ALDH1A2: variants seen among roughly 807,000 people sequenced by gnomAD.
The protein encoded by ALDH1A2 is aldehyde dehydrogenase 1 family member A2.
ALDH1A2 carries 27 observed loss-of-function variants against 60.3 expected under a neutral mutation model. The observed-to-expected ratio is 0.45, with a 90% CI of 0.33 to 0.62. ALDH1A2 has a LOEUF of 0.62. Among genes scored for constraint, ALDH1A2 ranks in the 20% least tolerant of loss-of-function variants. ALDH1A2 has a pLI of 0.02. For synonymous variants in ALDH1A2, 289 were observed against 232.4 expected, an observed-to-expected ratio of 1.24 and a Z score of -2.21; for missense variants, 581 against 643.8, an observed-to-expected ratio of 0.90 and a Z score of 1.06.
chr15:58,016,099 T>C (rs1895781336), intron 1 of ALDH1A2, among the ~76,000 whole-genome samples: 2 of 152,100 alleles, frequency 1.3e-5, no homozygotes, highest in East Asian at 1.9e-4. Context: ...AATCAAACTT[T>C]TTAACCTTTG....
chr15:58,019,471 A>G (rs1422936432), intron 1 of ALDH1A2, among the ~76,000 whole-genome samples: 1 of 152,242 alleles, frequency 6.6e-6, no homozygotes, highest in East Asian at 1.9e-4. Context: ...CTTTGAAAGT[A>G]GAAAGTGTAT....
rs775989050 is a variant in ALDH1A2, at chr15:57,955,261, A to G, written c.1493T>C (p.Phe498Ser). The G allele has an allele frequency of 1.5e-5, 24 of 1,613,866 alleles. No individual in the cohort carries two copies. The South Asian group carries it at 2.5e-4, about 17-fold the overall frequency. Residue 498 changes from phenylalanine (F) to serine (S), a missense_variant, in exon 13 of 13, where the codon TTT becomes TCT. Physicochemically the swap from Phe to Ser is radical, Grantham distance 155 (BLOSUM62 -2). Coordinates refer to ENST00000249750, the MANE Select transcript of ALDH1A2 (RefSeq NM_003888.4). ...AACTTCTGAGTACTCCCGCAAGCCA[A>G]ATTCTCCCCTGAAACACAGAAATGG... ...MSGNGREMGE[F>S]GLREYSEVKT...
chr15:58,010,898 G>C, intron 3 of ALDH1A2, 120 bp from the exon 4 acceptor site: 1 of 1,279,584 alleles, frequency 7.8e-7, no homozygotes, highest in Non-Finnish European at 1.1e-6. Context: ...TTGCATACCT[G>C]GTCAACTATG....
At chr15:57,990,913 T>C (rs1894876292) in intron 7 of ALDH1A2, among the ~76,000 whole-genome samples, 1 of 151,592 alleles carries the variant, frequency 6.6e-6, no homozygotes, top group South Asian at 2.1e-4. Flanking sequence ...TAGAAGCCTC[T>C]TGACTGACTC....
chr15:57,955,300 C>T, intron 12 of ALDH1A2, 31 bp from the exon 13 acceptor site: 1 of 1,612,372 alleles, frequency 6.2e-7, no homozygotes, highest in African/African-American at 1.3e-5. Context: ...GGGTCAGATA[C>T]CAGAAGTCCA....
intron 4 of ALDH1A2, among the ~76,000 whole-genome samples, chr15:57,996,504 T>C (rs1449876806): frequency 1.3e-4 from 18 of 135,092 alleles, no homozygotes; most frequent in African/African-American, 4.4e-4. Context: ...TTTTTCCCTC[T>C]TTTTTTTTTT....
intron 1 of ALDH1A2, among the ~76,000 whole-genome samples, chr15:58,045,639 C>G (rs1449716485): frequency 6.6e-6 from 1 of 152,048 alleles, no homozygotes; most frequent in Admixed American, 6.6e-5. Context: ...CAAACTAACA[C>G]AAGAACAGAA....
chr15:58,011,148 A>T (rs1393742879), intron 3 of ALDH1A2, among the ~76,000 whole-genome samples: 1 of 152,214 alleles, frequency 6.6e-6, no homozygotes, highest in Non-Finnish European at 1.5e-5. Context: ...CTGAATCCAT[A>T]AAGAGGAGCA....
intron 1 of ALDH1A2, among the ~76,000 whole-genome samples, chr15:58,046,996 C>G (rs1397040800): frequency 6.6e-6 from 1 of 151,996 alleles, no homozygotes; most frequent in Non-Finnish European, 1.5e-5. Context: ...GCCTGCCTTG[C>G]TTGGCCACTT....
Position 58,054,271 on chromosome 15 carries a change from G to C in ALDH1A2, c.117+11263C>G, listed in dbSNP as rs371226544. Reference sequence around the variant, plus strand: ...AAAGGAAAGAAAAGGCATAAGTTTGGTAAGTAAAAAAGATCTGTTCTCTCT... The same window carrying C: ...AAAGGAAAGAAAAGGCATAAGTTTGCTAAGTAAAAAAGATCTGTTCTCTCT... On this transcript the variant is annotated intron_variant, in intron 1 of 12. Coordinates refer to ENST00000249750, the MANE Select transcript of ALDH1A2 (RefSeq NM_003888.4). 2.6e-5 allele frequency among the ~76,000 whole-genome samples: 4 copies of C among 152,168 alleles called. No individual in the cohort carries two copies. In the South Asian group the frequency reaches 6.2e-4, roughly 24 times the overall value.
At chr15:57,989,074 G>A (rs141108272) in intron 7 of ALDH1A2, among the ~76,000 whole-genome samples, 47 of 152,264 alleles carry the variant, frequency 3.1e-4, no homozygotes, top group African/African-American at 1.0e-3. Context: ...ACTTGAACCC[G>A]GGAGGCAGCG....
Position 58,065,393 on chromosome 15 carries a change from T to A in ALDH1A2, c.117+141A>T, listed in dbSNP as rs1485065221. 21 of 791,636 alleles carry A rather than the reference T, an allele frequency of 2.7e-5. No individual in the cohort carries two copies. The African/African-American group carries it at 3.1e-4, about 12-fold the overall frequency. The allele number at this position is 791,636 out of a possible 1,614,324, so 49.0% of individuals were successfully genotyped here. Reference sequence around the variant, plus strand: ...CCCAGTCCCGAAGACAGGCAGGGGGTCCCTCTGCTGCGCCGGGATGACAGG... The same window carrying A: ...CCCAGTCCCGAAGACAGGCAGGGGGACCCTCTGCTGCGCCGGGATGACAGG... On this transcript the variant is annotated intron_variant, in intron 1 of 12. Coordinates refer to ENST00000249750, the MANE Select transcript of ALDH1A2 (RefSeq NM_003888.4).
intron 2 of ALDH1A2, 37 bp downstream of exon 2, chr15:58,014,140 T>A: frequency 6.2e-7 from 1 of 1,614,162 alleles, no homozygotes; most frequent in Non-Finnish European, 8.5e-7. Context: ...TGAAGGCAGT[T>A]ATTTCATAGG....
At chr15:58,056,588 G>A (rs1349621978) in intron 1 of ALDH1A2, among the ~76,000 whole-genome samples, 3 of 151,540 alleles carry the variant, frequency 2.0e-5, no homozygotes, top group Non-Finnish European at 4.4e-5. Context: ...AAAACTGTAT[G>A]ACAGTTACAC....
intron 11 of ALDH1A2, 54 bp downstream of exon 11, chr15:57,961,082 AC>A: frequency 6.2e-7 from 1 of 1,603,144 alleles, no homozygotes; most frequent in South Asian, 1.1e-5. Context: ...TGTTTATTTC[AC>A]CCTGGTCCCT....
In ALDH1A2 at chr15:57,955,253, G is replaced by T; in HGVS notation, c.1501C>A (p.Arg501=). The T allele has an allele frequency of 6.2e-7, 1 of 1,613,986 alleles. No homozygotes were observed. Among genetic ancestry groups the T allele is most frequent in the Non-Finnish European group, 8.5e-7 (1 of 1,179,994 alleles). The part of the protein sequence containing the change: ...NGREMGEFGL[R]EYSEVKTVTV... ...ACCGTCTTAACTTCTGAGTACTCCC[G>T]CAAGCCAAATTCTCCCCTGAAACAC... Residue 501 remains arginine, a synonymous_variant, in exon 13 of 13, where the codon CGG becomes AGG. Transcript: ENST00000249750.
intron 3 of ALDH1A2, among the ~76,000 whole-genome samples, 195 bp from the exon 4 acceptor site, chr15:58,010,973 G>A (rs749188429): frequency 6.6e-6 from 1 of 152,176 alleles, no homozygotes; most frequent in East Asian, 1.9e-4. Context: ...AAACCACAAT[G>A]AGTATATATG....
intron 3 of ALDH1A2, 24 bp from the exon 4 acceptor site, chr15:58,010,802 T>C (rs1895611443): frequency 1.9e-6 from 3 of 1,612,242 alleles, no homozygotes; most frequent in Admixed American, 1.7e-5. Flanking sequence ...AATGGAGAGA[T>C]ACTAAGTCCC....
At chr15:57,992,333 G>A (rs1566940980) in intron 7 of ALDH1A2, among the ~76,000 whole-genome samples, 1 of 152,074 alleles carries the variant, frequency 6.6e-6, no homozygotes, top group African/African-American at 2.4e-5. Context: ...TGCACCTACC[G>A]GACCTGTCCA....
Sources: gnomAD v4.1 joint callset for allele counts (sites outside exome capture counted in the v4.1 genomes callset) on GRCh38, gnomAD v4.1.1 for gene constraint, MANE v1.5 for transcripts, NCBI Gene and HGNC (gene_info 2026-07-23, HGNC 2026-07-21) for gene names.